OLFM1: variants seen among roughly 807,000 people sequenced by gnomAD.
The protein encoded by OLFM1 is olfactomedin 1, also known as noelin.
In OLFM1, 9 loss-of-function variants were observed where a neutral mutation model predicts 49.7. The observed-to-expected ratio is 0.18, with a 90% confidence interval of 0.11 to 0.32. The LOEUF (loss-of-function observed/expected upper bound fraction) is 0.32. OLFM1 is among the 10% of genes least tolerant of loss of function. The probability of loss-of-function intolerance (pLI) is 1.00; values close to 1 mark genes in which losing one functional copy is unlikely to be tolerated. For missense variants in OLFM1, 369 were observed against 661.8 expected (o/e 0.56, Z 4.85); for synonymous variants, 240 against 271.8 (o/e 0.88, Z 1.15).
intron 5 of OLFM1, among the ~76,000 whole-genome samples, chr9:135,114,564 T>C (rs543131601): frequency 8.6e-5 from 13 of 151,768 alleles, no homozygotes; most frequent in African/African-American, 3.1e-4. Flanking sequence ...GTTTAGGAAA[T>C]ACCTCCCAAG....
intron 4 of OLFM1, among the ~76,000 whole-genome samples, chr9:135,100,502 C>A (rs529758597): frequency 1.3e-5 from 2 of 152,216 alleles, no homozygotes; most frequent in African/African-American, 2.4e-5. Flanking sequence ...TTCACCTCTG[C>A]GTTTAATTCT....
rs543240450 is a variant in OLFM1 at position 135,093,070 on chromosome 9, A to G, written c.300+2726A>G. On this transcript the variant is annotated intron_variant, in intron 2 of 5. Coordinates refer to ENST00000371793, the MANE Select transcript of OLFM1 (RefSeq NM_001282611.2). The stretch of plus-strand genomic sequence containing the variant: ...CTGAGCATATTCCAGCCAGGTCGGT[A>G]TTTCTGTGCCCTGGCTTCACCTTTA... Among the ~76,000 whole-genome samples, 42 of 152,272 alleles carry G rather than the reference A, an allele frequency of 2.8e-4. 1 individual carries two copies. The South Asian group carries it at 8.5e-3, about 31-fold the overall frequency.
chr9:135,099,062 C>T (rs979041089), intron 4 of OLFM1, among the ~76,000 whole-genome samples: 4 of 152,192 alleles, frequency 2.6e-5, no homozygotes, highest in African/African-American at 9.7e-5. Flanking sequence ...AAGAAAGACC[C>T]CCAGTGTGGG....
At chr9:135,110,085 C>T (rs886584215) in intron 5 of OLFM1, among the ~76,000 whole-genome samples, 9 of 152,198 alleles carry the variant, frequency 5.9e-5, no homozygotes, top group African/African-American at 1.9e-4. Context: ...CCCCACAGCC[C>T]CTCCTTTCCT....
At position 135,113,692 on chromosome 9, in the gene OLFM1, C is replaced by T. The variant is rs1258935446; in HGVS notation, c.784-5812C>T. 6.6e-6 allele frequency among the ~76,000 whole-genome samples: 1 copy of T among 152,184 alleles called. No individual in the cohort carries two copies. On this transcript the variant is annotated intron_variant, in intron 5 of 5. Transcript: ENST00000371793. The surrounding 1 kb of genome is among the most constrained non-coding windows in gnomAD (Gnocchi z 4.0). ...AAGCTTTGGCAGACCCACGGTGTGC[C>T]CTGAGCTGAGTGGGGGTGCTGGGTC...
rs1275507307 is a variant in OLFM1 at position 135,119,606 on chromosome 9, C to G, written c.886C>G (p.His296Asp). The G allele has an allele frequency of 2.5e-6, 4 of 1,614,128 alleles. No homozygotes were observed. Among genetic ancestry groups the G allele is most frequent in the Non-Finnish European group, 1.7e-6 (2 of 1,179,988 alleles). The change falls in exon 6 of 6, where the codon CAC (histidine) becomes GAC (aspartate). Residue 296 changes from histidine (H) to aspartate (D), a missense_variant. By Grantham distance (81) the His-to-Asp change is moderately conservative (BLOSUM62 -1). This residue lies in a region of OLFM1 where 294 missense variants were observed against 567.5 expected (regional missense o/e 0.52). Coordinates refer to ENST00000371793, the MANE Select transcript of OLFM1 (RefSeq NM_001282611.2). ...CAATTTCACCTCCCACCGTCTCCCC[C>G]ACCCCTGGTCGGGCACGGGGCAGGT... ...TDNFTSHRLP[H>D]PWSGTGQVVY...
chr9:135,078,055 C>T (rs1830490317), intron 1 of OLFM1, among the ~76,000 whole-genome samples: 1 of 152,158 alleles, frequency 6.6e-6, no homozygotes, highest in Admixed American at 6.5e-5. Flanking sequence ...GCAGGACCAG[C>T]CTGCTCTGAT....
At chr9:135,115,299 G>A (rs1051444268) in intron 5 of OLFM1, among the ~76,000 whole-genome samples, 4 of 152,302 alleles carry the variant, frequency 2.6e-5, no homozygotes, top group Admixed American at 6.5e-5. Flanking sequence ...TGCATCCTTC[G>A]GAAGAGGGAG....
chr9:135,119,762 G>T lies in OLFM1; in HGVS notation c.1042G>T (p.Ala348Ser), dbSNP rs758826325. 1 of 1,613,828 alleles carries T rather than the reference G, an allele frequency of 6.2e-7. No homozygotes were observed. The highest frequency in any genetic ancestry group is 1.3e-5 in the African/African-American group (1 of 74,912). The change falls in exon 6 of 6, where the codon GCC (alanine) becomes TCC (serine). Residue 348 changes from alanine (A) to serine (S), a missense_variant. Around this residue, in one of 3 missense-constraint regions of OLFM1, gnomAD observed 294 missense variants for 567.5 expected, o/e 0.52. Coordinates refer to ENST00000371793, the MANE Select transcript of OLFM1 (RefSeq NM_001282611.2). Reference sequence around the variant, plus strand: ...CGGTTACAACAACATGTACCACTACGCCTGGGGTGGCCACTCGGACATCGA... The same window carrying T: ...CGGTTACAACAACATGTACCACTACTCCTGGGGTGGCCACTCGGACATCGA... Reference protein sequence around the residue: ...YAGYNNMYHYAWGGHSDIDLM... With the variant: ...YAGYNNMYHYSWGGHSDIDLM...
At chr9:135,077,331 C>G in intron 1 of OLFM1, 1 of 1,358,684 alleles carries the variant, frequency 7.4e-7, no homozygotes, top group South Asian at 2.1e-5. Flanking sequence ...AAGGGCCCTC[C>G]AAGCCTTAAT....
At position 135,120,598 on chromosome 9, in the gene OLFM1, C is replaced by T. The variant is rs1010587874; in HGVS notation, c.*420C>T. ...CTCTTTGAGAGCCATGGGCTGCACC[C>T]GGCCGTAGGCTAGTGTAACTCGCAT... is the stretch of plus-strand genomic sequence containing the variant. On this transcript the variant is annotated 3_prime_UTR_variant, in exon 6 of 6. Coordinates refer to ENST00000371793, the MANE Select transcript of OLFM1 (RefSeq NM_001282611.2). 4.4e-5 allele frequency: 9 copies of T among 204,242 alleles called. No homozygotes were observed. The highest frequency in any genetic ancestry group is 1.6e-4 in the Admixed American group (3 of 18,836). 12.7% of individuals were successfully genotyped at this position (204,242 alleles called of 1,614,324 possible).
chr9:135,099,477 A>G (rs922235110), intron 4 of OLFM1, among the ~76,000 whole-genome samples: 1 of 152,132 alleles, frequency 6.6e-6, no homozygotes. Flanking sequence ...CAAAAAGAAC[A>G]CTTTAAAAAA....
upstream of OLFM1, among the ~76,000 whole-genome samples, chr9:135,083,200 G>A (rs1223825674): frequency 6.6e-6 from 1 of 152,182 alleles, no homozygotes; most frequent in African/African-American, 2.4e-5. Context: ...TCAGCCCAGA[G>A]GGTGACGTGT....
At chr9:135,077,997 C>A (rs1332392414) in intron 1 of OLFM1, among the ~76,000 whole-genome samples, 1 of 152,244 alleles carries the variant, frequency 6.6e-6, no homozygotes, top group African/African-American at 2.4e-5. Flanking sequence ...AGGTGACTTT[C>A]ATCTTTGACC....
At chr9:135,108,357 G>T (rs1426846168) in intron 5 of OLFM1, among the ~76,000 whole-genome samples, 1 of 152,108 alleles carries the variant, frequency 6.6e-6, no homozygotes, top group East Asian at 1.9e-4. Context: ...AGCAGGCCCG[G>T]GCACAGTGGC....
At chr9:135,076,747 C>T (rs556651526) in intron 1 of OLFM1, 93 of 1,472,772 alleles carry the variant, frequency 6.3e-5, no homozygotes, top group Non-Finnish European at 8.4e-5. Context: ...CAGCCAGTAC[C>T]TTGGCCCCAA....
chr9:135,075,642 G>A lies in OLFM1; in HGVS notation c.-65G>A, dbSNP rs867428705. On this transcript the variant is annotated 5_prime_UTR_variant, in exon 1 of 6. Coordinates refer to the OLFM1 transcript ENST00000252854. ...CGCCGCCGCCGGAGCCAGCGGAGCC[G>A]GGGCCAGAGCCGGAGCGCGTCCGCG... is the stretch of plus-strand genomic sequence containing the variant. 6.3e-5 allele frequency: 75 copies of A among 1,192,536 alleles called. 1 individual carries two copies. The Middle Eastern group carries it at 3.8e-3, about 61-fold the overall frequency. 73.9% of individuals were successfully genotyped at this position (1,192,536 alleles called of 1,614,324 possible).
At chr9:135,097,084 T>C (rs1412594092) in intron 3 of OLFM1, among the ~76,000 whole-genome samples, 1 of 152,208 alleles carries the variant, frequency 6.6e-6, no homozygotes, top group African/African-American at 2.4e-5. Flanking sequence ...CTCGCCCGAC[T>C]AGAAACTGCT....
exon 1 of OLFM1, chr9:135,075,786 G>T (rs1348410722): frequency 6.2e-7 from 1 of 1,605,808 alleles, no homozygotes. Flanking sequence ...ATCCTGATGG[G>T]CACTGAACTC....
Sources: allele counts gnomAD v4.1 joint callset (sites outside exome capture counted in the v4.1 genomes callset), GRCh38; gene constraint gnomAD v4.1.1; regional missense constraint gnomAD v4.1.1; non-coding constraint Gnocchi (gnomAD v3.1); transcripts MANE v1.5; gene names NCBI Gene and HGNC (gene_info 2026-07-23, HGNC 2026-07-21).